Variants in MAST3 observed in about 807,000 individuals in gnomAD.
The protein encoded by MAST3 is microtubule-associated serine/threonine-protein kinase 3.
A neutral mutation model predicts 127.0 loss-of-function variants in MAST3; 43 were observed. The ratio of observed to expected loss-of-function variants is 0.34; its 90% CI spans 0.27 to 0.44. The LOEUF is 0.44. MAST3 is among the 20% of genes least tolerant of loss of function. The pLI is 1.00. For missense variants in MAST3, 1,390 were observed against 1,919.1 expected (o/e 0.72, Z 5.15); for synonymous variants, 785 against 809.2 (o/e 0.97, Z 0.51).
rs191539290 is a variant in MAST3, at chr19:18,098,657, A to G, written c.39+826A>G. 75 of 453,990 alleles carry G rather than the reference A, an allele frequency of 1.7e-4. No individual in the cohort carries two copies. The East Asian group carries it at 3.7e-3, about 22-fold the overall frequency. The allele number at this position is 453,990 out of a possible 1,614,324, so 28.1% of individuals were successfully genotyped here. A position where few individuals can be genotyped will look rare whatever the true frequency, so the allele number is the denominator to read the frequency against. ...GTGTCCCCATTATAAGAAAAGAAAA[A>G]CAGGAATTAAGATTTGGCCATTTTC... On this transcript the variant is annotated intron_variant, in intron 1 of 27. Transcript: ENST00000687212.
At chr19:18,142,452 C>T (rs955134659) in intron 21 of MAST3, among the ~76,000 whole-genome samples, 4 of 149,446 alleles carry the variant, frequency 2.7e-5, no homozygotes, top group East Asian at 4.0e-4. Flanking sequence ...CCCGGGTTCA[C>T]GCCATTCTCC....
intron 11 of MAST3, among the ~76,000 whole-genome samples, chr19:18,125,233 CT>C (rs1432572891): frequency 6.6e-6 from 1 of 152,198 alleles, no homozygotes; most frequent in African/African-American, 2.4e-5. Flanking sequence ...GGGAATTATG[CT>C]GAGACCCTCT....
chr19:18,104,010 A>C (rs952323737), intron 1 of MAST3, among the ~76,000 whole-genome samples: 1 of 151,654 alleles, frequency 6.6e-6, no homozygotes, highest in African/African-American at 2.4e-5. Context: ...CCAGGAGTTC[A>C]AGACCAGCCT....
chr19:18,137,294 G>A lies in MAST3; in HGVS notation c.2028G>A (p.Gly676=), dbSNP rs2041981446. ...HPFFLALDWA[G]LLRHKAEFVP... is the part of the protein sequence containing the mutation. The stretch of plus-strand genomic sequence containing the variant: ...TTTTCCTGGCCCTGGACTGGGCAGG[G>A]CTTCTCCGACACAAAGCCGAGTTCG... Residue 676 remains glycine, a synonymous_variant, in exon 19 of 28, where the codon GGG becomes GGA. Transcript: ENST00000687212. The A allele has an allele frequency of 2.5e-6, 4 of 1,613,806 alleles. No homozygotes were observed. The highest frequency in any genetic ancestry group is 3.4e-6 in the Non-Finnish European group (4 of 1,179,858).
At chr19:18,116,483 C>T (rs1454197567) in intron 3 of MAST3, among the ~76,000 whole-genome samples, 1 of 149,724 alleles carries the variant, frequency 6.7e-6, no homozygotes, top group Non-Finnish European at 1.5e-5. Flanking sequence ...TTAGTAGAGA[C>T]TGGGTTTCAC....
At chr19:18,099,319 G>A (rs560029463) in intron 1 of MAST3, among the ~76,000 whole-genome samples, 2 of 145,684 alleles carry the variant, frequency 1.4e-5, no homozygotes, top group South Asian at 4.5e-4. Flanking sequence ...AAGAGTGGGG[G>A]ACTTGGGCGG....
chr19:18,136,855 G>A (rs1254104527), intron 18 of MAST3, among the ~76,000 whole-genome samples: 1 of 151,842 alleles, frequency 6.6e-6, no homozygotes, highest in Non-Finnish European at 1.5e-5. Context: ...GTCTTGCTTT[G>A]TTGCCCAGGT....
At position 18,137,160 on chromosome 19, in the gene MAST3, G is replaced by C. The variant is rs763026996; in HGVS notation, c.1973-79G>C. ...CTGTGTTGTCCCTACTATGTGTCCA[G>C]CATGGGCAGTGGGGGTAGGGGGGCA... On this transcript the variant is annotated intron_variant, in intron 18 of 27. Coordinates refer to ENST00000687212, the MANE Select transcript of MAST3 (RefSeq NM_001393504.1). 1.5e-5 allele frequency: 23 copies of C among 1,554,464 alleles called. No homozygotes were observed. The Admixed American group carries it at 3.8e-4, about 25-fold the overall frequency.
intron 25 of MAST3, 22 bp from the exon 26 acceptor site, chr19:18,146,859 C>T: frequency 1.3e-6 from 2 of 1,536,288 alleles, no homozygotes; most frequent in Admixed American, 2.0e-5. Context: ...ACAGAGGCAA[C>T]CCCTCACCAT....
At chr19:18,132,679 T>C (rs1481439639) in intron 15 of MAST3, among the ~76,000 whole-genome samples, 1 of 152,194 alleles carries the variant, frequency 6.6e-6, no homozygotes, top group Non-Finnish European at 1.5e-5. Context: ...TATTTTCTCC[T>C]CTGCATTTAT....
In MAST3 at chr19:18,124,876, CG is replaced by C. The variant is rs982967964; in HGVS notation, c.1078+105del. The C allele has an allele frequency of 2.4e-5, 34 of 1,397,254 alleles. 1 individual carries two copies. In the Admixed American group the frequency reaches 7.8e-4, roughly 32 times the overall value. The allele number at this position is 1,397,254 out of a possible 1,614,324, so 86.6% of individuals were successfully genotyped here. ...ATACCAGCACTTTGGGAAGCTAAGG[CG>C]GGCAGATCACTTGAGGCCAGGAGTT... On this transcript the variant is annotated intron_variant, in intron 11 of 27. Transcript: ENST00000687212.
chr19:18,134,595 C>T lies in MAST3; in HGVS notation c.1588C>T (p.Leu530Phe). ...LKPDNLLITSLGHIKLTDFGL... is the reference protein window; with the variant it reads ...LKPDNLLITSFGHIKLTDFGL... The stretch of plus-strand genomic sequence containing the variant: ...TGCCCACAGTCTGCTCATCACCTCG[C>T]TTGGCCACATCAAGCTCACGGACTT... Residue 530 changes from leucine (L) to phenylalanine (F), a missense_variant, in exon 16 of 28, where the codon CTT becomes TTT. Transcript: ENST00000687212. 6.2e-7 allele frequency: 1 copy of T among 1,612,622 alleles called. No individual in the cohort carries two copies.
rs766155535 is a variant in MAST3 at position 18,128,472 on chromosome 19, G to C, written c.1137+14G>C. The C allele has an allele frequency of 9.0e-6, 14 of 1,552,040 alleles. 1 individual carries two copies. The South Asian group carries it at 1.1e-4, about 12-fold the overall frequency. The stretch of plus-strand genomic sequence containing the variant: ...GAGTCCCCAGAGGTGAGTAGCAGAG[G>C]CTGGGGGACCCCCGCTCATCTTGTT... On this transcript the variant is annotated intron_variant, in intron 12 of 27. Transcript: ENST00000687212.
At chr19:18,117,390 A>G (rs1404987578) in intron 3 of MAST3, among the ~76,000 whole-genome samples, 2 of 152,136 alleles carry the variant, frequency 1.3e-5, no homozygotes, top group African/African-American at 4.8e-5. Flanking sequence ...CTGCTTCCTA[A>G]CTGAGGCAGG....
In MAST3 at chr19:18,149,361, C is replaced by T; in HGVS notation, c.3679C>T (p.Leu1227=). The change falls in exon 28 of 28, where the codon CTG becomes TTG. Residue 1227 remains leucine (L), a synonymous_variant. Transcript: ENST00000687212. This position sits in a 1 kb window ranked among gnomAD's most constrained non-coding sequence, Gnocchi z 5.9. ...KSTSSIPPSP[L]ACPPISAPPP... ...CACCAGCAGCATCCCGCCCTCCCCG[C>T]TGGCCTGCCCGCCCATCTCCGCGCC... 6.7e-7 allele frequency: 1 copy of T among 1,502,918 alleles called. No homozygotes were observed. The highest frequency in any genetic ancestry group is 1.3e-5 in the South Asian group (1 of 79,398). The allele number at this position is 1,502,918 out of a possible 1,614,324, so 93.1% of individuals were successfully genotyped here.
At chr19:18,135,670 G>A (rs569092846) in intron 17 of MAST3, 70 bp from the exon 18 acceptor site, 3 of 1,147,936 alleles carry the variant, frequency 2.6e-6, no homozygotes, top group South Asian at 1.4e-5. Flanking sequence ...GGGAAATGGT[G>A]GATGGTACTA....
At chr19:18,146,795 C>G in intron 25 of MAST3, 86 bp from the exon 26 acceptor site, 1 of 1,343,922 alleles carries the variant, frequency 7.4e-7, no homozygotes. Context: ...AGCTGGTGCC[C>G]GGAGTGAAGG....
At chr19:18,147,754 G>A (rs2043182412) in intron 27 of MAST3, 130 bp downstream of exon 27, 3 of 697,648 alleles carry the variant, frequency 4.3e-6, no homozygotes, top group Admixed American at 3.0e-5. Context: ...GGATCCTGGT[G>A]TCTAGCAGGG....
intron 3 of MAST3, among the ~76,000 whole-genome samples, chr19:18,117,430 A>G (rs1351424805): frequency 6.6e-6 from 1 of 152,198 alleles, no homozygotes; most frequent in Non-Finnish European, 1.5e-5. Context: ...ACACACAGAC[A>G]GAGCATGTCA....
Sources: allele counts gnomAD v4.1 joint callset (sites outside exome capture counted in the v4.1 genomes callset), GRCh38; gene constraint gnomAD v4.1.1; non-coding constraint Gnocchi (gnomAD v3.1); transcripts MANE v1.5; gene names NCBI Gene and HGNC (gene_info 2026-07-23, HGNC 2026-07-21).